ABCC9: variants seen among roughly 807,000 people sequenced by gnomAD.
ABCC9 encodes the protein ATP-binding cassette sub-family C member 9.
Under a neutral mutation model 188.3 loss-of-function variants are expected in ABCC9, and 95 were observed. The ratio of observed to expected loss-of-function variants is 0.50; its 90% CI spans 0.43 to 0.60. The LOEUF (loss-of-function observed/expected upper bound fraction) is 0.60, where lower values mean the gene tolerates loss of function less well. Ranked by LOEUF, ABCC9 falls within the 20% of genes least tolerant of loss-of-function variation. The pLI is 0.00. For synonymous variants in ABCC9, 659 were observed against 652.7 expected (o/e 1.01, Z -0.15); for missense variants, 1,102 against 1,876.3 (o/e 0.59, Z 7.62).
chr12:21,849,441 T>A (rs1281728175), intron 24 of ABCC9, among the ~76,000 whole-genome samples: 1 of 152,164 alleles, frequency 6.6e-6, no homozygotes, highest in African/African-American at 2.4e-5. Flanking sequence ...AGACCAACAT[T>A]TATAAATGAA....
At chr12:21,857,593 GA>G (rs1447717699) in intron 22 of ABCC9, among the ~76,000 whole-genome samples, 1 of 152,120 alleles carries the variant, frequency 6.6e-6, no homozygotes, top group Non-Finnish European at 1.5e-5. Context: ...ACCTTGAGAT[GA>G]GGAGCTTATC....
chr12:21,883,121 A>G (rs1946702719), intron 15 of ABCC9, among the ~76,000 whole-genome samples: 1 of 152,258 alleles, frequency 6.6e-6, no homozygotes, highest in Admixed American at 6.5e-5. Flanking sequence ...TGGAAGTTAA[A>G]GTACAGAGTC....
rs199631710 is a variant in ABCC9 at position 21,936,627 on chromosome 12, G to A, written c.48C>T (p.Asn16=). ...AGCAGGAATTTTGTAGTACACCATC[G>A]TTGATATTATATGAAGAAATGTTGT... ...CGNNISSYNI[N]DGVLQNSCFV... is the part of the protein sequence containing the mutation. Residue 16 remains asparagine (N), a synonymous_variant, in exon 3 of 40, where the codon AAC becomes AAT. Transcript: ENST00000261200. 98 of 1,610,814 alleles carry A rather than the reference G, an allele frequency of 6.1e-5. No homozygotes were observed. Among genetic ancestry groups the A allele is most frequent in the Middle Eastern group, 3.3e-4 (2 of 6,076 alleles).
intron 25 of ABCC9, 42 bp from the exon 26 acceptor site, chr12:21,845,874 G>T (rs568495380): frequency 2.9e-6 from 4 of 1,396,308 alleles, no homozygotes; most frequent in African/African-American, 1.4e-5. Flanking sequence ...GATGGGCACC[G>T]GCTAGATATA....
chr12:21,847,488 G>T (rs745338188), intron 25 of ABCC9, among the ~76,000 whole-genome samples: 14 of 151,904 alleles, frequency 9.2e-5, no homozygotes, highest in Non-Finnish European at 1.8e-4. Flanking sequence ...TAGAAATGCA[G>T]GCATAAGCAA....
intron 18 of ABCC9, among the ~76,000 whole-genome samples, chr12:21,870,568 A>T (rs1452157794): frequency 6.6e-6 from 1 of 152,112 alleles, no homozygotes; most frequent in African/African-American, 2.4e-5. Context: ...TTTCTTTCAC[A>T]GCTCTCTCCA....
chr12:21,882,974 A>C (rs940879728), intron 15 of ABCC9, 101 bp from the exon 16 acceptor site: 2 of 871,476 alleles, frequency 2.3e-6, no homozygotes, highest in Non-Finnish European at 3.8e-6. Flanking sequence ...CAAGAAAAAG[A>C]AGTGGATGTT....
chr12:21,829,860 G>C (rs1410805387), intron 30 of ABCC9, among the ~76,000 whole-genome samples: 1 of 152,152 alleles, frequency 6.6e-6, no homozygotes, highest in Non-Finnish European at 1.5e-5. Context: ...CTATGCATTT[G>C]CAATTGGCAA....
rs773223696 is a variant in ABCC9, at chr12:21,838,052, G to A, written c.3566+26C>T. On this transcript the variant is annotated intron_variant, in intron 30 of 39. Transcript: ENST00000261200. ...TGTTGATGATGTTATTGCCTAGTCA[G>A]CTAATATAAAAATGTGTTTACTCAC... The A allele has an allele frequency of 1.1e-5, 16 of 1,523,748 alleles. No individual in the cohort carries two copies. In the African/African-American group the frequency reaches 2.1e-4, roughly 20 times the overall value. The allele number at this position is 1,523,748 out of a possible 1,614,324, so 94.4% of individuals were successfully genotyped here.
chr12:21,878,691 G>A (rs1449934724), intron 16 of ABCC9, among the ~76,000 whole-genome samples: 1 of 152,178 alleles, frequency 6.6e-6, no homozygotes, highest in Non-Finnish European at 1.5e-5. Flanking sequence ...AGCTTTATGA[G>A]TGTGACAGGG....
chr12:21,849,924 CTA>C (rs1365740916), intron 24 of ABCC9, among the ~76,000 whole-genome samples: 1 of 152,010 alleles, frequency 6.6e-6, no homozygotes, highest in African/African-American at 2.4e-5. Context: ...GTTTTCATTA[CTA>C]TCTATCATAT....
chr12:21,899,135 C>A (rs970189876), intron 12 of ABCC9, among the ~76,000 whole-genome samples: 4 of 152,166 alleles, frequency 2.6e-5, no homozygotes, highest in African/African-American at 4.8e-5. Context: ...TGAAGCAAAT[C>A]TGATTGATTT....
intron 39 of ABCC9, among the ~76,000 whole-genome samples, chr12:21,804,440 C>G (rs2137099760): frequency 6.6e-6 from 1 of 152,350 alleles, no homozygotes; most frequent in South Asian, 2.1e-4. Context: ...GGAGTTCTCT[C>G]TCTTCCAAAA....
chr12:21,824,786 T>C (rs748831784), intron 31 of ABCC9, among the ~76,000 whole-genome samples: 18 of 152,238 alleles, frequency 1.2e-4, no homozygotes, highest in Non-Finnish European at 2.6e-4. Context: ...CATAGAGGTG[T>C]TTATTGCATT....
intron 4 of ABCC9, among the ~76,000 whole-genome samples, chr12:21,927,251 C>A (rs1949077904): frequency 6.6e-6 from 1 of 152,326 alleles, no homozygotes; most frequent in African/African-American, 2.4e-5. Flanking sequence ...GCTGGCATCT[C>A]AACCCGTGGA....
At chr12:21,923,588 T>C in intron 5 of ABCC9, 1 of 504,054 alleles carries the variant, frequency 2.0e-6, no homozygotes. Flanking sequence ...GTATTACCAG[T>C]ACACACCCAC....
At chr12:21,830,368 T>C (rs1367479381) in intron 30 of ABCC9, among the ~76,000 whole-genome samples, 1 of 152,144 alleles carries the variant, frequency 6.6e-6, no homozygotes, top group East Asian at 1.9e-4. Flanking sequence ...CAAATCAAAA[T>C]GTGATTTATT....
chr12:21,852,518 A>C lies in ABCC9; in HGVS notation c.2506-13T>G. 1 of 1,607,902 alleles carries C rather than the reference A, an allele frequency of 6.2e-7. No homozygotes were observed. The highest frequency in any genetic ancestry group is 1.1e-5 in the South Asian group (1 of 91,078). On this transcript the variant is annotated splice_polypyrimidine_tract_variant and intron_variant, in intron 22 of 39. Coordinates refer to ENST00000261200, the MANE Select transcript of ABCC9 (RefSeq NM_020297.4). The stretch of plus-strand genomic sequence containing the variant: ...AGAATGGATCATCCTGCAATCAGTA[A>C]AATGGAGGAAAGATGGACGTTTTCT...
At chr12:21,892,898 T>C (rs1947234748) in intron 14 of ABCC9, among the ~76,000 whole-genome samples, 1 of 152,186 alleles carries the variant, frequency 6.6e-6, no homozygotes, top group African/African-American at 2.4e-5. Context: ...TGTTCTATGT[T>C]TCCGTCAATT....
Sources: allele counts gnomAD v4.1 joint callset (sites outside exome capture counted in the v4.1 genomes callset), GRCh38; gene constraint gnomAD v4.1.1; transcripts MANE v1.5; gene names NCBI Gene and HGNC (gene_info 2026-07-23, HGNC 2026-07-21).